Variants in UBE3D observed in about 807,000 individuals in gnomAD.
UBE3D encodes E3 ubiquitin-protein ligase E3D.
UBE3D carries 48 observed loss-of-function variants against 49.6 expected under a neutral mutation model. That is an observed-to-expected ratio of 0.97 (90% confidence interval 0.77 to 1.23). UBE3D has a LOEUF of 1.23. Among genes scored for constraint, UBE3D ranks in the 50% most tolerant of loss-of-function variants. The pLI is 0.00. For missense variants in UBE3D, 452 were observed against 468.4 expected (o/e 0.96, Z 0.32); for synonymous variants, 189 against 174.2 (o/e 1.08, Z -0.67).
intron 8 of UBE3D, among the ~76,000 whole-genome samples, chr6:83,003,776 C>T (rs1025432318): frequency 2.0e-5 from 3 of 152,182 alleles, no homozygotes; most frequent in African/African-American, 7.2e-5. Context: ...TATGGGACCA[C>T]TGCCATATAT....
chr6:83,042,279 T>C (rs1169022952), intron 4 of UBE3D, among the ~76,000 whole-genome samples: 2 of 152,062 alleles, frequency 1.3e-5, no homozygotes, highest in African/African-American at 4.8e-5. Context: ...AATACACCAA[T>C]AGGGAAATCT....
intron 9 of UBE3D, among the ~76,000 whole-genome samples, chr6:82,908,770 T>C (rs1001156887): frequency 6.6e-6 from 1 of 152,200 alleles, no homozygotes; most frequent in Non-Finnish European, 1.5e-5. Flanking sequence ...ACACTCTTCC[T>C]TTCTTCCCTT....
intron 3 of UBE3D, among the ~76,000 whole-genome samples, chr6:83,050,246 TAA>T (rs11375982): frequency 1.4e-5 from 2 of 146,546 alleles, no homozygotes. Context: ...CTTTTTTATT[TAA>T]AAAAAAAAAA....
At chr6:82,995,489 AT>A (rs1319129245) in intron 8 of UBE3D, among the ~76,000 whole-genome samples, 1 of 24,810 alleles carries the variant, frequency 4.0e-5, no homozygotes, top group African/African-American at 1.4e-4. Context: ...AATACTAACA[AT>A]CACACACACA....
At chr6:82,911,196 CAAA>C (rs1156620624) in intron 9 of UBE3D, among the ~76,000 whole-genome samples, 6 of 39,338 alleles carry the variant, frequency 1.5e-4, no homozygotes, top group Non-Finnish European at 1.4e-4. Context: ...AACATTTTGG[CAAA>C]AAAAAAAAAA....
At chr6:82,938,662 T>C (rs1239151331) in intron 9 of UBE3D, 1 of 152,212 alleles carries the variant, frequency 6.6e-6, no homozygotes, top group Non-Finnish European at 1.5e-5. Flanking sequence ...ATTAAAATTC[T>C]TTCATTTCTC....
intron 9 of UBE3D, among the ~76,000 whole-genome samples, chr6:82,953,911 G>A (rs553700799): frequency 6.6e-6 from 1 of 152,286 alleles, no homozygotes; most frequent in East Asian, 1.9e-4. Context: ...AGACCTGAAC[G>A]ACAAGAAGCA....
At chr6:82,917,367 G>A (rs1460389071) in intron 9 of UBE3D, among the ~76,000 whole-genome samples, 2 of 152,122 alleles carry the variant, frequency 1.3e-5, no homozygotes, top group African/African-American at 2.4e-5. Flanking sequence ...AAACATGCAT[G>A]CTAGATATGA....
chr6:83,034,529 T>C (rs1443019103), intron 5 of UBE3D, among the ~76,000 whole-genome samples: 1 of 152,152 alleles, frequency 6.6e-6, no homozygotes, highest in South Asian at 2.1e-4. Flanking sequence ...TCCCCATGTG[T>C]TAAAGTTGGG....
chr6:82,898,679 G>A (rs560863056), intron 9 of UBE3D, among the ~76,000 whole-genome samples: 1 of 152,090 alleles, frequency 6.6e-6, no homozygotes, highest in South Asian at 2.1e-4. Context: ...GTCTGTTGGG[G>A]GGTAGGGGGC....
At chr6:83,000,029 A>G (rs1357413691) in intron 8 of UBE3D, among the ~76,000 whole-genome samples, 2 of 152,286 alleles carry the variant, frequency 1.3e-5, no homozygotes, top group South Asian at 2.1e-4. Flanking sequence ...CTAAAAAGCA[A>G]TACTGTTGTT....
At chr6:83,028,863 G>C (rs1781665431) in intron 5 of UBE3D, among the ~76,000 whole-genome samples, 1 of 151,952 alleles carries the variant, frequency 6.6e-6, no homozygotes, top group Non-Finnish European at 1.5e-5. Context: ...CTTCATTTTT[G>C]AGTGATAGTT....
At chr6:83,027,184 T>A (rs1040512014) in intron 5 of UBE3D, among the ~76,000 whole-genome samples, 2 of 151,840 alleles carry the variant, frequency 1.3e-5, no homozygotes, top group Non-Finnish European at 2.9e-5. Context: ...ACGCCTGTAA[T>A]CCCAGCACTT....
chr6:82,985,008 C>T (rs78866871), intron 8 of UBE3D, among the ~76,000 whole-genome samples: 9 of 52,998 alleles, frequency 1.7e-4, no homozygotes, highest in East Asian at 6.7e-4. Flanking sequence ...TCTTCTTCTT[C>T]TTTTTTTTTT....
intron 8 of UBE3D, among the ~76,000 whole-genome samples, chr6:82,978,090 C>T (rs1248689462): frequency 6.6e-6 from 1 of 151,870 alleles, no homozygotes; most frequent in Non-Finnish European, 1.5e-5. Flanking sequence ...GCCAAAGATA[C>T]ATCAACAAGT....
intron 5 of UBE3D, among the ~76,000 whole-genome samples, chr6:83,034,726 TTTCCTGAGGCC>T (rs1452974444): frequency 2.0e-5 from 3 of 152,022 alleles, no homozygotes; most frequent in Non-Finnish European, 4.4e-5. Flanking sequence ...TGACTGTAAG[TTTCCTGAGGCC>T]TTCCCAGCCA....
At chr6:82,939,782 C>T (rs1774872741) in intron 9 of UBE3D, among the ~76,000 whole-genome samples, 1 of 152,162 alleles carries the variant, frequency 6.6e-6, no homozygotes, top group African/African-American at 2.4e-5. Context: ...GTATCTCTAT[C>T]ATTAAGTGAT....
chr6:83,045,879 A>G (rs995450340), intron 3 of UBE3D, among the ~76,000 whole-genome samples: 4 of 152,034 alleles, frequency 2.6e-5, no homozygotes, highest in African/African-American at 9.7e-5. Flanking sequence ...ATGTCTCCCT[A>G]GTCTCGTCTG....
intron 9 of UBE3D, among the ~76,000 whole-genome samples, chr6:82,916,977 T>C (rs1407580060): frequency 6.6e-6 from 1 of 152,164 alleles, no homozygotes. Context: ...AAACGGACAC[T>C]GATAATTTTA....
Sources: gnomAD v4.1 joint callset for allele counts (sites outside exome capture counted in the v4.1 genomes callset) on GRCh38, gnomAD v4.1.1 for gene constraint, MANE v1.5 for transcripts, NCBI Gene and HGNC (gene_info 2026-07-23, HGNC 2026-07-21) for gene names.